Variants in TTC21B observed in about 807,000 individuals in gnomAD.
TTC21B encodes tetratricopeptide repeat protein 21B.
A neutral mutation model predicts 175.1 loss-of-function variants in TTC21B; 127 were observed. That is an observed-to-expected ratio of 0.73 (90% confidence interval 0.63 to 0.84). TTC21B has a LOEUF of 0.84. Among genes scored for constraint, TTC21B ranks in the 40% least tolerant of loss-of-function variants. The probability of loss-of-function intolerance (pLI) is 0.00; values close to 1 mark genes in which losing one functional copy is unlikely to be tolerated. For missense variants in TTC21B, 1,561 were observed against 1,558.3 expected (o/e 1.00, Z -0.03); for synonymous variants, 524 against 524.5 (o/e 1.00, Z 0.01).
rs202087501 is a variant in TTC21B, at chr2:165,911,432, C to T, written c.2356G>A (p.Gly786Arg). Residue 786 changes from glycine (G) to arginine (R), a missense_variant, in exon 18 of 29, where the codon GGA becomes AGA. Physicochemically the swap from Gly to Arg is moderately radical, Grantham distance 125 (BLOSUM62 -2). Coordinates refer to ENST00000243344, the MANE Select transcript of TTC21B (RefSeq NM_024753.5). The stretch of plus-strand genomic sequence containing the variant: ...TCATAGCAAAGATAATTCTTTTGTC[C>T]AGTTTTCAGAGCAGCTTCATAGTAA... Reference protein sequence around the residue: ...ITYYEAALKTGQKNYLCYDLA... With the variant: ...ITYYEAALKTRQKNYLCYDLA... 4.4e-5 allele frequency: 71 copies of T among 1,613,520 alleles called. No homozygotes were observed. Among genetic ancestry groups the T allele is most frequent in the Non-Finnish European group, 5.9e-6 (7 of 1,179,858 alleles).
intron 8 of TTC21B, 68 bp from the exon 9 acceptor site, chr2:165,930,432 T>A: frequency 8.8e-7 from 1 of 1,130,774 alleles, no homozygotes; most frequent in Non-Finnish European, 1.2e-6. Context: ...AAGGATTATT[T>A]TTTCTAAATA....
intron 20 of TTC21B, among the ~76,000 whole-genome samples, chr2:165,900,157 G>C (rs1685508852): frequency 1.3e-5 from 2 of 151,554 alleles, no homozygotes; most frequent in Non-Finnish European, 1.5e-5. Context: ...AAAACCATGA[G>C]ACTGGATTAT....
Position 165,883,808 on chromosome 2 carries a change from G to A in TTC21B, c.3670C>T (p.Leu1224=), listed in dbSNP as rs148919214. 23 of 1,613,568 alleles carry A rather than the reference G, an allele frequency of 1.4e-5. No individual in the cohort carries two copies. The African/African-American group carries it at 2.8e-4, about 20-fold the overall frequency. ...DMAEDLLKRC[L]RHNRSCCKAY... is the part of the protein sequence containing the mutation. ...CAATCACCTACTCTATTATGACGCA[G>A]GCACCGTTTTAACAGGTCTTCTGCC... is the stretch of plus-strand genomic sequence containing the variant. Residue 1224 remains leucine (L), a synonymous_variant, in exon 26 of 29, where the codon CTG becomes TTG. Transcript: ENST00000243344.
intron 1 of TTC21B, among the ~76,000 whole-genome samples, chr2:165,952,293 C>T (rs1020565441): frequency 2.0e-5 from 3 of 152,194 alleles, no homozygotes; most frequent in Non-Finnish European, 4.4e-5. Context: ...AGTCAAATTT[C>T]AGTGTTCATA....
At chr2:165,914,635 TG>T (rs1686075407) in intron 15 of TTC21B, among the ~76,000 whole-genome samples, 1 of 87,880 alleles carries the variant, frequency 1.1e-5, no homozygotes, top group Admixed American at 1.4e-4. Context: ...CCCTTCTGTT[TG>T]GGGAGAAGAG....
chr2:165,912,423 A>G, intron 17 of TTC21B, 91 bp downstream of exon 17: 1 of 982,562 alleles, frequency 1.0e-6, no homozygotes, highest in African/African-American at 1.6e-5. Flanking sequence ...TACAACCATT[A>G]AAGATGCAAA....
At chr2:165,896,287 T>C (rs1161770292) in intron 22 of TTC21B, among the ~76,000 whole-genome samples, 1 of 152,092 alleles carries the variant, frequency 6.6e-6, no homozygotes, top group Non-Finnish European at 1.5e-5. Flanking sequence ...TCTTTCTTTT[T>C]CTCTTTCCTC....
At chr2:165,942,569 T>TTCC (rs1447488607) in intron 5 of TTC21B, among the ~76,000 whole-genome samples, 1 of 152,150 alleles carries the variant, frequency 6.6e-6, no homozygotes. Context: ...TCCTCAGGCC[T>TTCC]TCACTTCTGT....
chr2:165,927,067 GATATATATATATATATATCCTAGTAGAT>G (rs1559064338), intron 11 of TTC21B, among the ~76,000 whole-genome samples: 297 of 4,842 alleles, frequency 0.061, 60 homozygotes, highest in Admixed American at 0.12. Flanking sequence ...TATCCTAGTA[GATATATATATATATATATCCTAGTAGAT>G]ATATATATAT....
rs4001021 is a variant in TTC21B, at chr2:165,937,771, CCACACACACACACACACA to C, written c.710+3238_710+3255del. Among the ~76,000 whole-genome samples the C allele has an allele frequency of 8.7e-3, 1,108 of 127,630 alleles. 15 individuals are homozygous for C. Among genetic ancestry groups the C allele is most frequent in the African/African-American group, 0.03 (1,025 of 33,770 alleles). 83.7% of individuals were successfully genotyped at this position (127,630 alleles called of 152,430 possible). On this transcript the variant is annotated intron_variant, in intron 6 of 28. Transcript: ENST00000243344. ...TACATATTTTTAAAATATATAGAAA[CCACACACACACACACACA>C]CACACACACACACACACACACACAC...
At chr2:165,924,317 T>C (rs977126564) in intron 12 of TTC21B, among the ~76,000 whole-genome samples, 2 of 152,166 alleles carry the variant, frequency 1.3e-5, no homozygotes, top group Admixed American at 6.5e-5. Context: ...TAAAGTGGTA[T>C]AACTGCATTT....
intron 3 of TTC21B, chr2:165,947,470 T>G (rs1687622346): frequency 6.6e-6 from 1 of 151,788 alleles, no homozygotes; most frequent in Non-Finnish European, 1.5e-5. Flanking sequence ...GAAGACCCTT[T>G]TCTCCTCTCC....
intron 25 of TTC21B, among the ~76,000 whole-genome samples, chr2:165,885,849 A>G (rs4667854): frequency 0.98 from 150,027 of 152,332 alleles, 73,929 homozygotes; most frequent in Middle Eastern, 1. Context: ...CCTACAGCCA[A>G]CTTCTCTGTC....
intron 22 of TTC21B, among the ~76,000 whole-genome samples, chr2:165,892,125 C>A (rs1443849601): frequency 6.6e-6 from 1 of 151,960 alleles, no homozygotes; most frequent in Non-Finnish European, 1.5e-5. Context: ...TTATTTATTT[C>A]TTTATAGTGG....
At chr2:165,892,878 T>C (rs1329795093) in intron 22 of TTC21B, among the ~76,000 whole-genome samples, 3 of 152,182 alleles carry the variant, frequency 2.0e-5, no homozygotes, top group Non-Finnish European at 4.4e-5. Context: ...TTGTGTTATA[T>C]ATGTTTCACC....
At chr2:165,932,188 C>A (rs932497905) in intron 7 of TTC21B, among the ~76,000 whole-genome samples, 1 of 151,988 alleles carries the variant, frequency 6.6e-6, no homozygotes, top group East Asian at 1.9e-4. Context: ...AAATGAGATA[C>A]GAATGATAAT....
At chr2:165,931,048 A>G (rs1007162449) in intron 8 of TTC21B, among the ~76,000 whole-genome samples, 3 of 152,134 alleles carry the variant, frequency 2.0e-5, no homozygotes, top group Non-Finnish European at 4.4e-5. Context: ...ACGGTAAGCA[A>G]AAAAGGTAAA....
chr2:165,876,274 T>C, intron 27 of TTC21B, 42 bp from the exon 28 acceptor site: 1 of 1,215,430 alleles, frequency 8.2e-7, no homozygotes, highest in Non-Finnish European at 1.2e-6. Flanking sequence ...TGGAGTACAC[T>C]GCTACTATTA....
intron 26 of TTC21B, among the ~76,000 whole-genome samples, chr2:165,882,189 G>C: frequency 6.6e-6 from 1 of 151,996 alleles, no homozygotes; most frequent in East Asian, 1.9e-4. Context: ...AATTTATCAG[G>C]GTTGAAAAAT....
Sources: allele counts gnomAD v4.1 joint callset (sites outside exome capture counted in the v4.1 genomes callset), GRCh38; gene constraint gnomAD v4.1.1; transcripts MANE v1.5; gene names NCBI Gene and HGNC (gene_info 2026-07-23, HGNC 2026-07-21).